The following ENO3 variants were observed in gnomAD, a reference collection of about 807,000 sequenced individuals.
ENO3 encodes beta-enolase.
Under a neutral mutation model 47.7 loss-of-function variants are expected in ENO3, and 46 were observed. The ratio of observed to expected loss-of-function variants is 0.96; its 90% confidence interval spans 0.76 to 1.23. The LOEUF is 1.23. Ranked by LOEUF, ENO3 falls within the 50% of genes most tolerant of loss-of-function variation. ENO3 has a pLI of 0.00. For missense variants in ENO3, 575 were observed against 566.2 expected (o/e 1.02, Z -0.16); for synonymous variants, 223 against 225.9 (o/e 0.99, Z 0.11).
At chr17:4,956,164 A>G (rs1364367010) in intron 9 of ENO3, 21 bp downstream of exon 9, 1 of 1,612,530 alleles carries the variant, frequency 6.2e-7, no homozygotes, top group African/African-American at 1.3e-5. Flanking sequence ...CCTGACCCTG[A>G]GGCTCACCAT....
At chr17:4,949,943 C>A (rs1971491947), upstream of ENO3, among the ~76,000 whole-genome samples, 1 of 152,146 alleles carries the variant, frequency 6.6e-6, no homozygotes, top group East Asian at 1.9e-4. Flanking sequence ...CCACCGCACC[C>A]CTACCCCAGG....
Position 4,953,861 on chromosome 17 carries a change from C to T in ENO3, c.444+16C>T, listed in dbSNP as rs1227189458. The T allele has an allele frequency of 5.6e-6, 9 of 1,613,954 alleles. No individual in the cohort carries two copies. The highest frequency in any genetic ancestry group is 3.3e-5 in the Admixed American group (2 of 60,000). ...CCCAGTGCCAGTGAGTGCAGCTACC[C>T]GCCCTTCCCAGATCTCGCCTGGACA... On this transcript the variant is annotated intron_variant, in intron 6 of 11. Transcript: ENST00000519602.
Position 4,956,139 on chromosome 17 carries a change from C to G in ENO3, c.1063C>G (p.Gln355Glu). ...NQIGSVTESI[Q>E]ACKLAQSNGW... ...GATCGGCTCGGTGACCGAATCGATCCAGGCGTGAGTGCCTCCTGACCCTGA... is the reference window on the plus strand; with the variant it reads ...GATCGGCTCGGTGACCGAATCGATCGAGGCGTGAGTGCCTCCTGACCCTGA... Residue 355 changes from glutamine (Q) to glutamate (E), a missense_variant, in exon 9 of 12, where the codon CAG becomes GAG. Physicochemically the swap from Gln to Glu is conservative, Grantham distance 29. Coordinates refer to ENST00000519602, the MANE Select transcript of ENO3 (RefSeq NM_053013.4). The G allele has an allele frequency of 6.2e-7, 1 of 1,613,896 alleles. No individual in the cohort carries two copies. The highest frequency in any genetic ancestry group is 8.5e-7 in the Non-Finnish European group (1 of 1,179,954).
At chr17:4,954,949 T>A in intron 6 of ENO3, 126 bp from the exon 7 acceptor site, 1 of 646,144 alleles carries the variant, frequency 1.5e-6, no homozygotes, top group Non-Finnish European at 2.6e-6. Context: ...TGAGCAAAAC[T>A]ACTCATCCTA....
intron 6 of ENO3, 172 bp downstream of exon 6, chr17:4,954,017 A>C (rs1396529015): frequency 6.9e-6 from 7 of 1,008,104 alleles, no homozygotes; most frequent in Non-Finnish European, 8.9e-6. Flanking sequence ...CCACAATCCA[A>C]ACCTTCCCTG....
chr17:4,951,369 A>ACC lies in ENO3; in HGVS notation c.-3+187_-3+188insCC, dbSNP rs1477301290. The ACC allele has an allele frequency of 4.0e-4, 351 of 887,624 alleles. 9 individuals are homozygous for ACC. In the South Asian group the frequency reaches 9.6e-3, roughly 24 times the overall value. The allele number at this position is 887,624 out of a possible 1,614,324, so 55.0% of individuals were successfully genotyped here. On this transcript the variant is annotated intron_variant, in intron 1 of 11. Transcript: ENST00000519602. ...TCTGGGAACACCGAAGGATCTAGGG[A>ACC]AAGGAGGCTGTGAGGAGGGCAGCAG...
Position 4,955,905 on chromosome 17 carries a change from T to TCTGTCTCTGCC in ENO3, c.866-26_866-16dup, listed in dbSNP as rs1555554221. ...TGCCCTGTCTCTGCCCTGTCTCTGCTCTGTCTCTGCCCTGTCTCTGCTCCA... is the reference window on the plus strand; with the variant it reads ...TGCCCTGTCTCTGCCCTGTCTCTGCTCTGTCTCTGCCCTGTCTCTGCCCTGTCTCTGCTCCA... On this transcript the variant is annotated intron_variant, in intron 8 of 11. Transcript: ENST00000519602. 179 of 1,559,652 alleles carry TCTGTCTCTGCC rather than the reference T, an allele frequency of 1.1e-4. No homozygotes were observed. In the East Asian group the frequency reaches 4.0e-3, roughly 35 times the overall value.
At chr17:4,950,742 C>T, upstream of ENO3, 1 of 912,628 alleles carries the variant, frequency 1.1e-6, no homozygotes. Flanking sequence ...AGCCCCTCTT[C>T]CAGGCCCCCT....
Position 4,956,126 on chromosome 17 carries a change from G to A in ENO3, c.1050G>A (p.Val350=). The change falls in exon 9 of 12, where the codon GTG becomes GTA. Residue 350 remains valine, a synonymous_variant. Transcript: ENST00000519602. ...LLLKVNQIGS[V]TESIQACKLA... ...TGAAGGTCAACCAGATCGGCTCGGT[G>A]ACCGAATCGATCCAGGCGTGAGTGC... is the stretch of plus-strand genomic sequence containing the variant. 1.9e-6 allele frequency: 3 copies of A among 1,613,876 alleles called. No individual in the cohort carries two copies. The South Asian group carries it at 3.3e-5, about 18-fold the overall frequency.
In ENO3 at chr17:4,955,148, T is replaced by G. The variant is rs1597702371; in HGVS notation, c.518T>G (p.Val173Gly). The part of the protein sequence containing the change: ...LAMQEFMILP[V>G]GASSFKEAMR... ...ATGCAGGAGTTCATGATTCTGCCTG[T>G]GGGAGCCAGCTCCTTCAAGGAAGCC... The change falls in exon 7 of 12, where the codon GTG becomes GGG. Residue 173 changes from valine to glycine, a missense_variant. Transcript: ENST00000519602. The G allele has an allele frequency of 6.2e-7, 1 of 1,614,224 alleles. No homozygotes were observed. The highest frequency in any genetic ancestry group is 1.7e-5 in the Admixed American group (1 of 60,030).
chr17:4,951,403 A>G (rs1200464470), intron 1 of ENO3, among the ~76,000 whole-genome samples: 3 of 152,146 alleles, frequency 2.0e-5, no homozygotes, highest in Non-Finnish European at 2.9e-5. Flanking sequence ...AGGGATGGAT[A>G]GAAAAGGGCA....
intron 5 of ENO3, 102 bp downstream of exon 5, chr17:4,953,443 G>C: frequency 6.6e-7 from 1 of 1,521,496 alleles, no homozygotes; most frequent in African/African-American, 1.4e-5. Context: ...CCCCATTTTG[G>C]GTCACACCGC....
chr17:4,953,136 G>A lies in ENO3; in HGVS notation c.240+27G>A, dbSNP rs766817185. Reference sequence around the variant, plus strand: ...CAAGTGGGGAAGCCCGCTCGCTGCAGCCTCCTCCCCATGCCCCTGCTCCCT... The same window carrying A: ...CAAGTGGGGAAGCCCGCTCGCTGCAACCTCCTCCCCATGCCCCTGCTCCCT... On this transcript the variant is annotated intron_variant, in intron 4 of 11. Transcript: ENST00000519602. The A allele has an allele frequency of 5.0e-6, 8 of 1,614,168 alleles. No homozygotes were observed. The South Asian group carries it at 8.8e-5, about 18-fold the overall frequency.
intron 2 of ENO3, chr17:4,952,131 C>A (rs1971558418): frequency 7.4e-6 from 5 of 671,208 alleles, no homozygotes; most frequent in Middle Eastern, 2.4e-4. Context: ...AGAGAGGACA[C>A]CTCAGCCCTT....
At chr17:4,955,649 A>G (rs1206844397) in intron 8 of ENO3, 45 bp downstream of exon 8, 2 of 1,612,016 alleles carry the variant, frequency 1.2e-6, no homozygotes, top group Non-Finnish European at 1.7e-6. Flanking sequence ...AATCCCGTGC[A>G]GCTGCCTAAT....
At chr17:4,954,106 C>A (rs777087452) in intron 6 of ENO3, 1 of 576,312 alleles carries the variant, frequency 1.7e-6, no homozygotes. Context: ...ACTCCAGCCT[C>A]GTTCCAACCC....
At position 4,953,723 on chromosome 17, in the gene ENO3, G is replaced by A. The variant is rs778244316; in HGVS notation, c.322G>A (p.Ala108Thr). 6.2e-7 allele frequency: 1 copy of A among 1,614,230 alleles called. No individual in the cohort carries two copies. The highest frequency in any genetic ancestry group is 8.5e-7 in the Non-Finnish European group (1 of 1,180,048). ...DGTENKSKFG[A>T]NAILGVSLAV... ...TTGCCTCCTTCCAGCCAAGTTTGGGGCCAATGCCATCCTGGGCGTGTCCTT... is the reference window on the plus strand; with the variant it reads ...TTGCCTCCTTCCAGCCAAGTTTGGGACCAATGCCATCCTGGGCGTGTCCTT... The change falls in exon 6 of 12, where the codon GCC (alanine) becomes ACC (threonine). Residue 108 changes from alanine to threonine, a missense_variant. By Grantham distance (58) the Ala-to-Thr change is moderately conservative. Transcript: ENST00000519602.
Position 4,956,997 on chromosome 17 carries a change from G to A in ENO3, c.1255G>A (p.Asp419Asn), listed in dbSNP as rs1017785580. Residue 419 changes from aspartate to asparagine, a missense_variant, in exon 12 of 12, where the codon GAC becomes AAC. Coordinates refer to ENST00000519602, the MANE Select transcript of ENO3 (RefSeq NM_053013.4). ...TTCTAGGATCGAGGAGGCTCTTGGGGACAAGGCAATCTTTGCTGGACGCAA... is the reference window on the plus strand; with the variant it reads ...TTCTAGGATCGAGGAGGCTCTTGGGAACAAGGCAATCTTTGCTGGACGCAA... ...QLMRIEEALG[D>N]KAIFAGRKFR... The A allele has an allele frequency of 1.9e-6, 3 of 1,614,210 alleles. No individual in the cohort carries two copies. The highest frequency in any genetic ancestry group is 2.5e-6 in the Non-Finnish European group (3 of 1,180,038).
At chr17:4,956,934 G>C in intron 11 of ENO3, 44 bp from the exon 12 acceptor site, 1 of 1,614,244 alleles carries the variant, frequency 6.2e-7, no homozygotes. Context: ...GCTGGAGGCT[G>C]TTAGGTTGGA....
Sources: allele counts gnomAD v4.1 joint callset (sites outside exome capture counted in the v4.1 genomes callset), GRCh38; gene constraint gnomAD v4.1.1; transcripts MANE v1.5; gene names NCBI Gene and HGNC (gene_info 2026-07-23, HGNC 2026-07-21).